Variants in GRM8 observed in about 807,000 individuals in gnomAD.
The protein encoded by GRM8 is glutamate metabotropic receptor 8.
Under a neutral mutation model 87.2 loss-of-function variants are expected in GRM8, and 47 were observed. The observed-to-expected ratio is 0.54, with a 90% CI of 0.43 to 0.69. GRM8 has a LOEUF of 0.69. Ranked by LOEUF, GRM8 falls within the 30% of genes least tolerant of loss-of-function variation. The probability of loss-of-function intolerance (pLI) is 0.00; values close to 1 mark genes in which losing one functional copy is unlikely to be tolerated. For missense variants in GRM8, 1,019 were observed against 1,139.2 expected (o/e 0.89, Z 1.52); for synonymous variants, 396 against 404.5 (o/e 0.98, Z 0.25).
chr7:126,952,777 C>A (rs1343865151), intron 3 of GRM8, among the ~76,000 whole-genome samples: 5 of 151,986 alleles, frequency 3.3e-5, no homozygotes, highest in Admixed American at 2.6e-4. Flanking sequence ...ATTCTATACT[C>A]TTCAAAAATA....
At chr7:126,458,322 A>G (rs1803492171) in intron 9 of GRM8, among the ~76,000 whole-genome samples, 1 of 151,282 alleles carries the variant, frequency 6.6e-6, no homozygotes, top group South Asian at 2.1e-4. Flanking sequence ...TATAAAGATT[A>G]TAATAAGCCA....
Position 127,106,477 on chromosome 7 carries a change from C to T in GRM8, c.727+19G>A. The T allele has an allele frequency of 1.3e-6, 2 of 1,587,922 alleles. No homozygotes were observed. Among genetic ancestry groups the T allele is most frequent in the Non-Finnish European group, 1.7e-6 (2 of 1,157,040 alleles). On this transcript the variant is annotated intron_variant, in intron 3 of 10. Transcript: ENST00000339582. The stretch of plus-strand genomic sequence containing the variant: ...ATCTGTCACCTCCAAATACAATCAT[C>T]TGATAAATATATGCTTACCAATCTC...
intron 7 of GRM8, among the ~76,000 whole-genome samples, chr7:126,728,859 T>C (rs2151477034): frequency 6.6e-6 from 1 of 152,180 alleles, no homozygotes; most frequent in South Asian, 2.1e-4. Context: ...CCCACCCTGT[T>C]CTCCTTGCTG....
chr7:126,891,734 C>A (rs544923995), intron 6 of GRM8, among the ~76,000 whole-genome samples: 1 of 152,038 alleles, frequency 6.6e-6, no homozygotes, highest in Non-Finnish European at 1.5e-5. Flanking sequence ...GCTGGCTATT[C>A]GCTTAACACA....
At chr7:126,585,813 G>A (rs1160671468) in intron 8 of GRM8, among the ~76,000 whole-genome samples, 4 of 152,124 alleles carry the variant, frequency 2.6e-5, no homozygotes, top group Admixed American at 2.6e-4. Context: ...TCAACATAGT[G>A]TTGGAAGTTA....
In GRM8 at chr7:126,942,447, T is replaced by C. The variant is rs553666940; in HGVS notation, c.728-37764A>G. ...GAAGCAGTGGGTGCTTAAGCACTCA[T>C]TACCTGACAAGGAACATCACAGTAA... is the stretch of plus-strand genomic sequence containing the variant. On this transcript the variant is annotated intron_variant, in intron 3 of 10. Coordinates refer to ENST00000339582, the MANE Select transcript of GRM8 (RefSeq NM_000845.3). Among the ~76,000 whole-genome samples, 137 of 152,180 alleles carry C rather than the reference T, an allele frequency of 9.0e-4. 1 individual carries two copies. Among genetic ancestry groups the C allele is most frequent in the Non-Finnish European group, 1.7e-3 (119 of 68,034 alleles).
intron 9 of GRM8, among the ~76,000 whole-genome samples, chr7:126,486,306 G>A (rs953021682): frequency 6.6e-6 from 1 of 151,984 alleles, no homozygotes; most frequent in Admixed American, 6.6e-5. Flanking sequence ...TTTAAATGTC[G>A]TTTCCACTCC....
At chr7:126,914,896 C>G (rs373997784) in intron 3 of GRM8, among the ~76,000 whole-genome samples, 1 of 152,118 alleles carries the variant, frequency 6.6e-6, no homozygotes, top group African/African-American at 2.4e-5. Context: ...CAAACCTGCT[C>G]ATGTACCCCC....
At chr7:127,079,791 G>C (rs1822657303) in intron 3 of GRM8, among the ~76,000 whole-genome samples, 1 of 152,036 alleles carries the variant, frequency 6.6e-6, no homozygotes. Context: ...GTTATACCCA[G>C]TATTTATCAA....
chr7:126,981,438 A>G (rs1444800109), intron 3 of GRM8: 1 of 152,178 alleles, frequency 6.6e-6, no homozygotes, highest in Non-Finnish European at 1.5e-5. Flanking sequence ...AAGTTAAGAG[A>G]CCATATCTGG....
intron 3 of GRM8, among the ~76,000 whole-genome samples, chr7:126,921,405 A>G (rs906716019): frequency 6.6e-6 from 1 of 152,130 alleles, no homozygotes; most frequent in African/African-American, 2.4e-5. Context: ...CAAAAGAGAA[A>G]ATAGAGGCCA....
At chr7:126,758,862 T>G (rs1372030137) in intron 7 of GRM8, among the ~76,000 whole-genome samples, 1 of 151,998 alleles carries the variant, frequency 6.6e-6, no homozygotes, top group Non-Finnish European at 1.5e-5. Context: ...TAAAGGAATT[T>G]TTTCATTAAT....
At chr7:126,441,818 A>G (rs1481171945) in intron 10 of GRM8, among the ~76,000 whole-genome samples, 1 of 152,002 alleles carries the variant, frequency 6.6e-6, no homozygotes, top group Non-Finnish European at 1.5e-5. Flanking sequence ...GCTACTATAG[A>G]TGTTTTTTTC....
chr7:126,665,413 T>C (rs912488802), intron 7 of GRM8, among the ~76,000 whole-genome samples: 5 of 152,202 alleles, frequency 3.3e-5, no homozygotes, highest in Admixed American at 6.5e-5. Context: ...TAGAATACTA[T>C]GCAGCCATAA....
At chr7:126,449,617 A>G (rs896031525) in intron 9 of GRM8, among the ~76,000 whole-genome samples, 1 of 151,846 alleles carries the variant, frequency 6.6e-6, no homozygotes, top group Non-Finnish European at 1.5e-5. Context: ...ATCTCACTTC[A>G]ATGTAGACAG....
intron 6 of GRM8, among the ~76,000 whole-genome samples, chr7:126,858,027 C>G (rs561080843): frequency 1.3e-5 from 2 of 152,118 alleles, no homozygotes; most frequent in African/African-American, 4.8e-5. Context: ...CCACTCTCCA[C>G]GCACTAAAAT....
intron 7 of GRM8, among the ~76,000 whole-genome samples, chr7:126,734,205 C>T (rs1813932865): frequency 6.6e-6 from 1 of 151,854 alleles, no homozygotes; most frequent in African/African-American, 2.4e-5. Flanking sequence ...CTCCCCTGTA[C>T]AGATATAGTA....
chr7:126,529,708 G>A (rs1056919922), intron 9 of GRM8, among the ~76,000 whole-genome samples: 25 of 152,084 alleles, frequency 1.6e-4, no homozygotes, highest in Non-Finnish European at 7.4e-5. Flanking sequence ...TCGATTTTAT[G>A]AGCCCAATTA....
chr7:126,506,990 T>C (rs1810573465), intron 9 of GRM8, among the ~76,000 whole-genome samples: 2 of 152,004 alleles, frequency 1.3e-5, no homozygotes, highest in Admixed American at 6.6e-5. Context: ...ATGTCACAGA[T>C]ATGCAAGGAG....
Sources: gnomAD v4.1 joint callset for allele counts (sites outside exome capture counted in the v4.1 genomes callset) on GRCh38, gnomAD v4.1.1 for gene constraint, MANE v1.5 for transcripts, NCBI Gene and HGNC (gene_info 2026-07-23, HGNC 2026-07-21) for gene names.